Variants in SLX4IP observed in about 807,000 individuals in gnomAD.
SLX4IP encodes protein SLX4IP.
A neutral mutation model predicts 32.9 loss-of-function variants in SLX4IP; 34 were observed. The observed-to-expected ratio is 1.03, with a 90% CI of 0.79 to 1.38. SLX4IP has a LOEUF of 1.38. Among genes scored for constraint, SLX4IP ranks in the 40% most tolerant of loss-of-function variants. The pLI is 0.00. For synonymous variants in SLX4IP, 172 were observed against 171.7 expected, an observed-to-expected ratio of 1.00 and a Z score of -0.01; for missense variants, 444 against 479.0, an observed-to-expected ratio of 0.93 and a Z score of 0.68.
chr20:10,494,710 CCTT>C (rs1490972841), intron 2 of SLX4IP, among the ~76,000 whole-genome samples: 2 of 151,620 alleles, frequency 1.3e-5, no homozygotes, highest in African/African-American at 2.4e-5. Flanking sequence ...TTGCTTTTTC[CCTT>C]CTTCCTCCTA....
At chr20:10,512,855 ACTC>A (rs2065823032) in intron 2 of SLX4IP, among the ~76,000 whole-genome samples, 1 of 133,456 alleles carries the variant, frequency 7.5e-6, no homozygotes, top group Non-Finnish European at 1.5e-5. Flanking sequence ...CTGGTCTTGA[ACTC>A]CTGGCTTCAA....
At chr20:10,605,959 G>C (rs2066901040) in intron 6 of SLX4IP, among the ~76,000 whole-genome samples, 1 of 152,080 alleles carries the variant, frequency 6.6e-6, no homozygotes, top group Non-Finnish European at 1.5e-5. Flanking sequence ...ACTATTGAAG[G>C]CTGAGTTATT....
intron 2 of SLX4IP, among the ~76,000 whole-genome samples, chr20:10,526,260 A>C (rs1418198704): frequency 6.6e-6 from 1 of 152,150 alleles, no homozygotes; most frequent in East Asian, 1.9e-4. Flanking sequence ...TGAGAAAGAG[A>C]ATGGTTCCCA....
intron 4 of SLX4IP, among the ~76,000 whole-genome samples, chr20:10,566,180 T>C (rs1201707373): frequency 6.6e-6 from 1 of 152,096 alleles, no homozygotes; most frequent in Non-Finnish European, 1.5e-5. Context: ...TTTACCTTCA[T>C]TCCCCCAGGA....
intron 2 of SLX4IP, among the ~76,000 whole-genome samples, chr20:10,552,397 CTTTTTTTTTTCT>C (rs1346125225): frequency 2.1e-5 from 3 of 145,232 alleles, no homozygotes; most frequent in African/African-American, 7.6e-5. Context: ...GCTTTCTTTT[CTTTTTTTTTTCT>C]TTTTTTTTTT....
intron 4 of SLX4IP, among the ~76,000 whole-genome samples, chr20:10,592,622 CTTTTTTTTTTTTTTTTT>C (rs33995611): frequency 1.8e-4 from 10 of 55,168 alleles, no homozygotes; most frequent in Admixed American, 8.9e-4. Flanking sequence ...TATTCTTCAT[CTTTTTTTTTTTTTTTTT>C]TTTTTTTTTT....
intron 2 of SLX4IP, among the ~76,000 whole-genome samples, chr20:10,552,113 C>T (rs1568736490): frequency 1.3e-5 from 2 of 152,182 alleles, no homozygotes; most frequent in African/African-American, 2.4e-5. Flanking sequence ...TGGCTGAATC[C>T]TCTGGGTGGA....
intron 2 of SLX4IP, among the ~76,000 whole-genome samples, chr20:10,467,766 G>T (rs2065392533): frequency 6.6e-6 from 1 of 152,180 alleles, no homozygotes; most frequent in Admixed American, 6.5e-5. Context: ...TTTATCTCAG[G>T]CTTAGAGCTT....
intron 2 of SLX4IP, among the ~76,000 whole-genome samples, chr20:10,513,153 T>C (rs575843202): frequency 6.6e-6 from 1 of 152,192 alleles, no homozygotes; most frequent in Admixed American, 6.5e-5. Context: ...AGCTTACTTT[T>C]TGGGAGTAGT....
intron 6 of SLX4IP, among the ~76,000 whole-genome samples, chr20:10,610,777 G>T (rs2066958196): frequency 6.6e-6 from 1 of 152,186 alleles, no homozygotes; most frequent in African/African-American, 2.4e-5. Flanking sequence ...ATACATACAT[G>T]CTTGTGTGTT....
At chr20:10,610,747 G>A (rs1294601214) in intron 6 of SLX4IP, among the ~76,000 whole-genome samples, 1 of 152,186 alleles carries the variant, frequency 6.6e-6, no homozygotes, top group African/African-American at 2.4e-5. Context: ...CCTCCTGTTT[G>A]CCTCAGTTCC....
intron 2 of SLX4IP, among the ~76,000 whole-genome samples, chr20:10,519,385 C>T (rs138193641): frequency 6.6e-6 from 1 of 152,308 alleles, no homozygotes; most frequent in East Asian, 1.9e-4. Flanking sequence ...GTGCCCACTC[C>T]TACCCCTTGG....
At chr20:10,485,612 C>A (rs1212293199) in intron 2 of SLX4IP, among the ~76,000 whole-genome samples, 4 of 128,690 alleles carry the variant, frequency 3.1e-5, no homozygotes, top group Non-Finnish European at 7.0e-5. Flanking sequence ...ACAAAGGAGA[C>A]TCTGTCAAAA....
chr20:10,456,090 A>G (rs1287981123), intron 1 of SLX4IP, among the ~76,000 whole-genome samples: 2 of 152,236 alleles, frequency 1.3e-5, no homozygotes, highest in Non-Finnish European at 2.9e-5. Context: ...TGTTTCATGC[A>G]CAAAATCATA....
intron 2 of SLX4IP, among the ~76,000 whole-genome samples, chr20:10,487,638 A>C (rs1229015066): frequency 6.6e-6 from 1 of 152,128 alleles, no homozygotes; most frequent in Non-Finnish European, 1.5e-5. Context: ...GCAGAAGGAG[A>C]CTGAGACCTG....
intron 2 of SLX4IP, among the ~76,000 whole-genome samples, chr20:10,518,399 C>CTT (rs2065869057): frequency 9.4e-6 from 1 of 106,130 alleles, no homozygotes; most frequent in Non-Finnish European, 2.2e-5. Context: ...TCCTTTCTTT[C>CTT]TTTCTTTCCT....
At chr20:10,516,704 T>C (rs778428700) in intron 2 of SLX4IP, among the ~76,000 whole-genome samples, 1 of 152,238 alleles carries the variant, frequency 6.6e-6, no homozygotes, top group African/African-American at 2.4e-5. Context: ...ATAAGTTTGC[T>C]GCTGTGATTT....
At chr20:10,570,513 C>G (rs2066449666) in intron 4 of SLX4IP, among the ~76,000 whole-genome samples, 1 of 152,200 alleles carries the variant, frequency 6.6e-6, no homozygotes, top group Admixed American at 6.5e-5. Context: ...CTATGTATCA[C>G]ACACATACAC....
chr20:10,512,746 A>G (rs1244213057), intron 2 of SLX4IP, among the ~76,000 whole-genome samples: 2 of 111,824 alleles, frequency 1.8e-5, no homozygotes, highest in Admixed American at 9.9e-5. Context: ...TTGTGTATAT[A>G]TATTTTATGT....
Sources: allele counts gnomAD v4.1 joint callset (sites outside exome capture counted in the v4.1 genomes callset), GRCh38; gene constraint gnomAD v4.1.1; transcripts MANE v1.5; gene names NCBI Gene and HGNC (gene_info 2026-07-23, HGNC 2026-07-21).